AFF3: variants seen among roughly 807,000 people sequenced by gnomAD.
AFF3 encodes the protein AF4/FMR2 family member 3.
A neutral mutation model predicts 129.7 loss-of-function variants in AFF3; 32 were observed. That is an observed-to-expected ratio of 0.25 (90% CI 0.19 to 0.33). AFF3 has a LOEUF of 0.33. Ranked by LOEUF, AFF3 falls within the 10% of genes least tolerant of loss-of-function variation. The probability of loss-of-function intolerance (pLI) is 1.00; values close to 1 mark genes in which losing one functional copy is unlikely to be tolerated. For synonymous variants in AFF3, 644 were observed against 635.4 expected, an observed-to-expected ratio of 1.01 and a Z score of -0.20; for missense variants, 1,373 against 1,592.0, an observed-to-expected ratio of 0.86 and a Z score of 2.34.
chr2:99,729,665 AG>A (rs1160261914), intron 10 of AFF3, among the ~76,000 whole-genome samples: 1 of 152,166 alleles, frequency 6.6e-6, no homozygotes, highest in African/African-American at 2.4e-5. Context: ...TCTCTTTATT[AG>A]GACCCAAGGG....
At chr2:99,608,003 C>T (rs1680544804) in intron 13 of AFF3, among the ~76,000 whole-genome samples, 1 of 151,950 alleles carries the variant, frequency 6.6e-6, no homozygotes, top group African/African-American at 2.4e-5. Context: ...TTGCTTCTAT[C>T]CTGAAATGTA....
intron 7 of AFF3, among the ~76,000 whole-genome samples, chr2:99,999,026 C>A (rs547937930): frequency 1.3e-4 from 20 of 152,238 alleles, no homozygotes; most frequent in Admixed American, 1.3e-3. Flanking sequence ...AGAACACGAC[C>A]ATCTGTGGGA....
intron 7 of AFF3, among the ~76,000 whole-genome samples, chr2:99,947,853 C>T (rs992942635): frequency 1.9e-4 from 29 of 152,000 alleles, no homozygotes; most frequent in Admixed American, 1.8e-3. Context: ...GGCACGGGGG[C>T]CATGGGCAAC....
intron 8 of AFF3, among the ~76,000 whole-genome samples, chr2:99,806,338 G>T (rs1314529171): frequency 6.6e-6 from 1 of 152,176 alleles, no homozygotes; most frequent in Non-Finnish European, 1.5e-5. Flanking sequence ...ATGCAACACA[G>T]AGCGGAAAAT....
At chr2:99,591,807 C>G (rs1678707903) in intron 15 of AFF3, among the ~76,000 whole-genome samples, 2 of 152,222 alleles carry the variant, frequency 1.3e-5, no homozygotes, top group South Asian at 4.1e-4. Context: ...TAATTCCTGG[C>G]TCAGCCCCTT....
At chr2:99,883,531 T>A (rs1431252010) in intron 7 of AFF3, among the ~76,000 whole-genome samples, 2 of 152,372 alleles carry the variant, frequency 1.3e-5, no homozygotes, top group Admixed American at 6.5e-5. Flanking sequence ...TGAATTAACA[T>A]CTCAGAGTCA....
At chr2:99,564,784 A>T (rs1675810772) in intron 20 of AFF3, among the ~76,000 whole-genome samples, 1 of 152,216 alleles carries the variant, frequency 6.6e-6, no homozygotes, top group Admixed American at 6.5e-5. Flanking sequence ...AGTTTTAGGA[A>T]GAATTATTTC....
intron 14 of AFF3, among the ~76,000 whole-genome samples, chr2:99,596,002 T>C (rs1376067727): frequency 6.6e-6 from 1 of 152,204 alleles, no homozygotes; most frequent in African/African-American, 2.4e-5. Flanking sequence ...TGAAGGCCCC[T>C]TCCCTGGGCT....
At chr2:99,942,548 G>T (rs576185602) in intron 7 of AFF3, among the ~76,000 whole-genome samples, 5 of 69,914 alleles carry the variant, frequency 7.2e-5, no homozygotes, top group African/African-American at 6.2e-4. Flanking sequence ...GGGGAGGGGC[G>T]GGGGGGGGGT....
chr2:99,722,966 T>C (rs1274346173), intron 11 of AFF3, among the ~76,000 whole-genome samples: 2 of 152,228 alleles, frequency 1.3e-5, no homozygotes, highest in Non-Finnish European at 2.9e-5. Context: ...AAGGATCAAA[T>C]GACCCTCTTT....
chr2:99,745,079 T>A (rs530167845), intron 9 of AFF3, among the ~76,000 whole-genome samples: 31 of 152,352 alleles, frequency 2.0e-4, no homozygotes, highest in African/African-American at 7.5e-4. Context: ...TCCTTGTGTG[T>A]ATGAAGTGGT....
chr2:99,874,729 T>G (rs1209136323), intron 7 of AFF3, among the ~76,000 whole-genome samples: 1 of 152,186 alleles, frequency 6.6e-6, no homozygotes, highest in African/African-American at 2.4e-5. Flanking sequence ...TGGTGAAATG[T>G]GAATATATTC....
intron 7 of AFF3, among the ~76,000 whole-genome samples, chr2:99,974,929 T>G (rs1396761788): frequency 6.6e-6 from 1 of 152,072 alleles, no homozygotes; most frequent in African/African-American, 2.4e-5. Context: ...CGTGGCATGG[T>G]GAAAGGAAGA....
chr2:100,061,623 TCAAGTAAGTTTC>T (rs1687276644), intron 4 of AFF3, among the ~76,000 whole-genome samples: 1 of 152,126 alleles, frequency 6.6e-6, no homozygotes. Flanking sequence ...ACTGGAAGTT[TCAAGTAAGTTTC>T]CAAGCAATGA....
chr2:100,016,775 GGTGGTGGTA>G (rs1683144992), intron 4 of AFF3, among the ~76,000 whole-genome samples: 1 of 151,652 alleles, frequency 6.6e-6, no homozygotes, highest in Non-Finnish European at 1.5e-5. Context: ...TAGTGATGGT[GGTGGTGGTA>G]GTGGTGGTAA....
At chr2:99,683,197 G>T (rs1674691660) in intron 11 of AFF3, among the ~76,000 whole-genome samples, 1 of 152,162 alleles carries the variant, frequency 6.6e-6, no homozygotes, top group African/African-American at 2.4e-5. Flanking sequence ...CTATCCAGAT[G>T]CTGTACCTCA....
intron 7 of AFF3, among the ~76,000 whole-genome samples, chr2:99,875,492 T>A (rs930901809): frequency 3.3e-5 from 5 of 152,218 alleles, no homozygotes; most frequent in Non-Finnish European, 7.3e-5. Flanking sequence ...TTATTCTCCA[T>A]CTGGGTAGAG....
intron 8 of AFF3, among the ~76,000 whole-genome samples, chr2:99,777,534 C>A (rs975049768): frequency 6.6e-6 from 1 of 152,116 alleles, no homozygotes; most frequent in Non-Finnish European, 1.5e-5. Flanking sequence ...AGGAGTACAC[C>A]GCACTGGATA....
rs1018790748 is a variant in AFF3, at chr2:100,105,281, G to C, written c.-65+223C>G. On this transcript the variant is annotated intron_variant, in intron 3 of 24. Transcript: ENST00000672756. ...GTGGGTGCGGGGGAATTCCCCGGCC[G>C]CCCAGGCGCGGGGAGAGTGAGCTGT... 14 of 1,170,694 alleles carry C rather than the reference G, an allele frequency of 1.2e-5. No homozygotes were observed. In the African/African-American group the frequency reaches 2.1e-4, roughly 18 times the overall value. 72.5% of individuals were successfully genotyped at this position (1,170,694 alleles called of 1,614,324 possible). A position where few individuals can be genotyped will look rare whatever the true frequency, so the allele number is the denominator to read the frequency against.
Sources: allele counts gnomAD v4.1 joint callset (sites outside exome capture counted in the v4.1 genomes callset), GRCh38; gene constraint gnomAD v4.1.1; transcripts MANE v1.5; gene names NCBI Gene and HGNC (gene_info 2026-07-23, HGNC 2026-07-21).